HELZ: variants seen among roughly 807,000 people sequenced by gnomAD.
HELZ encodes ATP-dependent RNA helicase with zinc finger domain.
Under a neutral mutation model 218.2 loss-of-function variants are expected in HELZ, and 23 were observed. The observed-to-expected ratio is 0.11, with a 90% CI of 0.08 to 0.15. The LOEUF (loss-of-function observed/expected upper bound fraction) is 0.15. Ranked by LOEUF, HELZ falls within the 10% of genes least tolerant of loss-of-function variation. HELZ has a pLI of 1.00. For missense variants in HELZ, 1,813 were observed against 2,353.7 expected (o/e 0.77, Z 4.75); for synonymous variants, 814 against 829.4 (o/e 0.98, Z 0.32).
At chr17:67,170,109 A>T (rs2039264264) in intron 13 of HELZ, among the ~76,000 whole-genome samples, 1 of 152,166 alleles carries the variant, frequency 6.6e-6, no homozygotes. Flanking sequence ...AGAAGCTCTC[A>T]CAGATTGAAA....
At chr17:67,154,043 G>A (rs2038767446) in intron 17 of HELZ, among the ~76,000 whole-genome samples, 1 of 152,170 alleles carries the variant, frequency 6.6e-6, no homozygotes, top group South Asian at 2.1e-4. Context: ...TTGTATTAAT[G>A]TTTCTCAATT....
rs747330894 is a variant in HELZ, at chr17:67,109,360, T to TGGCTGCTGA, written c.4236_4244dup (p.Gln1413_Pro1415dup). ...GATATGCAGGAGAAAGCTGAGGAGG[T>TGGCTGCTGA]GGCTGCTGAGGCTGCTGATTCAACT... is the stretch of plus-strand genomic sequence containing the variant. On this transcript the variant is annotated inframe_insertion, in exon 29 of 33. Transcript: ENST00000358691. 1 of 1,614,046 alleles carries TGGCTGCTGA rather than the reference T, an allele frequency of 6.2e-7. No homozygotes were observed. The highest frequency in any genetic ancestry group is 8.5e-7 in the Non-Finnish European group (1 of 1,180,026).
At chr17:67,106,370 A>G (rs1453334602) in intron 31 of HELZ, among the ~76,000 whole-genome samples, 1 of 150,886 alleles carries the variant, frequency 6.6e-6, no homozygotes, top group African/African-American at 2.5e-5. Flanking sequence ...GTGCAGTGGC[A>G]TATCTTGGCT....
chr17:67,084,424 A>T (rs1395756576), intron 32 of HELZ, among the ~76,000 whole-genome samples: 3 of 152,216 alleles, frequency 2.0e-5, no homozygotes, highest in Admixed American at 1.3e-4. Context: ...GCACTTTGGG[A>T]GGCCGAGGCG....
Position 67,167,746 on chromosome 17 carries a change from C to T in HELZ, c.1481G>A (p.Gly494Asp). Residue 494 changes from glycine to aspartate, a missense_variant, in exon 14 of 33, where the codon GGT becomes GAT. By Grantham distance (94) the Gly-to-Asp change is moderately conservative (BLOSUM62 -1). Coordinates refer to ENST00000358691, the MANE Select transcript of HELZ (RefSeq NM_014877.4). ...AGCATACTTTGCACCTCCAGAAACA[C>T]CAGTGAGCATGAAGCTTGCCAGAAT... ...LQILASFMLT[G>D]VSGGAKYAQN... is the part of the protein sequence containing the mutation. The T allele has an allele frequency of 3.7e-6, 6 of 1,613,944 alleles. No homozygotes were observed. The highest frequency in any genetic ancestry group is 5.1e-6 in the Non-Finnish European group (6 of 1,179,892).
intron 28 of HELZ, among the ~76,000 whole-genome samples, chr17:67,110,842 T>C (rs1242804329): frequency 6.6e-6 from 1 of 152,200 alleles, no homozygotes; most frequent in East Asian, 1.9e-4. Context: ...CAGAAGAAGG[T>C]TGCTGACCCC....
intron 31 of HELZ, 21 bp downstream of exon 31, chr17:67,107,148 G>C (rs1397813901): frequency 1.3e-6 from 2 of 1,571,664 alleles, no homozygotes; most frequent in African/African-American, 2.7e-5. Flanking sequence ...AATAACAAAA[G>C]GAAAATAAGA....
chr17:67,107,288 T>C lies in HELZ; in HGVS notation c.5122A>G (p.Arg1708Gly). The C allele has an allele frequency of 6.2e-7, 1 of 1,614,204 alleles. No individual in the cohort carries two copies. The highest frequency in any genetic ancestry group is 8.5e-7 in the Non-Finnish European group (1 of 1,180,038). Residue 1708 changes from arginine (R) to glycine (G), a missense_variant, in exon 31 of 33, where the codon AGG becomes GGG. By Grantham distance (125) the Arg-to-Gly change is moderately radical. Coordinates refer to ENST00000358691, the MANE Select transcript of HELZ (RefSeq NM_014877.4). ...FPYGLPPLPH[R>G]PPQNPFVQIQ... ...TGTACAAAAGGGTTCTGCGGTGGCC[T>C]GTGAGGCAATGGAGGTAGGCCATAG... is the stretch of plus-strand genomic sequence containing the variant.
At chr17:67,199,500 A>G (rs576350214) in intron 7 of HELZ, among the ~76,000 whole-genome samples, 1 of 152,148 alleles carries the variant, frequency 6.6e-6, no homozygotes, top group Non-Finnish European at 1.5e-5. Context: ...GGCGTGAAGC[A>G]CCGCACCGGG....
chr17:67,093,738 C>G (rs1417685266), intron 31 of HELZ, among the ~76,000 whole-genome samples: 2 of 152,172 alleles, frequency 1.3e-5, no homozygotes, highest in African/African-American at 4.8e-5. Flanking sequence ...ACTGCTACCC[C>G]ACAGTCCAAG....
Position 67,151,010 on chromosome 17 carries a change from C to G in HELZ, c.2356+36G>C, listed in dbSNP as rs1299392666. 3 of 1,587,564 alleles carry G rather than the reference C, an allele frequency of 1.9e-6. No homozygotes were observed. The South Asian group carries it at 3.4e-5, about 18-fold the overall frequency. On this transcript the variant is annotated intron_variant, in intron 18 of 32. Transcript: ENST00000358691. ...CCCAGTCTAAACTGAATTCATAAGCCCTAAACTTGTGAGACTGTGTCTTGA... is the reference window on the plus strand; with the variant it reads ...CCCAGTCTAAACTGAATTCATAAGCGCTAAACTTGTGAGACTGTGTCTTGA...
At chr17:67,194,694 A>G (rs530753343) in intron 8 of HELZ, among the ~76,000 whole-genome samples, 16 of 152,312 alleles carry the variant, frequency 1.1e-4, no homozygotes, top group African/African-American at 3.8e-4. Flanking sequence ...TGAGAAAAAA[A>G]GGCTAGAACT....
At chr17:67,204,022 C>T (rs989518157) in intron 5 of HELZ, among the ~76,000 whole-genome samples, 1 of 152,178 alleles carries the variant, frequency 6.6e-6, no homozygotes, top group Non-Finnish European at 1.5e-5. Context: ...AGAATATACT[C>T]ATTTTTATGC....
At chr17:67,234,058 AAAG>A (rs1213357741) in intron 3 of HELZ, among the ~76,000 whole-genome samples, 2 of 150,902 alleles carry the variant, frequency 1.3e-5, no homozygotes, top group African/African-American at 4.9e-5. Flanking sequence ...AAAAAAAAAA[AAAG>A]AGAGAGAGAG....
chr17:67,174,476 G>T (rs1316805819), intron 13 of HELZ, among the ~76,000 whole-genome samples: 2 of 152,078 alleles, frequency 1.3e-5, no homozygotes, highest in Non-Finnish European at 2.9e-5. Context: ...CTAGTATGAA[G>T]CCCCTTGATA....
At chr17:67,090,585 G>A (rs1166864223) in intron 31 of HELZ, among the ~76,000 whole-genome samples, 3 of 152,068 alleles carry the variant, frequency 2.0e-5, no homozygotes, top group Non-Finnish European at 4.4e-5. Flanking sequence ...TTATAAGACT[G>A]TCCATATGCC....
At chr17:67,211,166 T>A in intron 5 of HELZ, among the ~76,000 whole-genome samples, 1 of 152,184 alleles carries the variant, frequency 6.6e-6, no homozygotes, top group East Asian at 1.9e-4. Flanking sequence ...ATGTTTACTC[T>A]TATTGAAGCA....
At chr17:67,207,075 G>A (rs1197038512) in intron 5 of HELZ, among the ~76,000 whole-genome samples, 2 of 150,376 alleles carry the variant, frequency 1.3e-5, no homozygotes, top group Non-Finnish European at 3.0e-5. Context: ...ACCACCCATG[G>A]TTAATTTTGT....
intron 21 of HELZ, among the ~76,000 whole-genome samples, chr17:67,142,802 G>A (rs1209192027): frequency 6.6e-6 from 1 of 151,932 alleles, no homozygotes; most frequent in East Asian, 1.9e-4. Context: ...TGTCACCCAG[G>A]CTACAGTGCG....
Sources: gnomAD v4.1 joint callset for allele counts (sites outside exome capture counted in the v4.1 genomes callset) on GRCh38, gnomAD v4.1.1 for gene constraint, MANE v1.5 for transcripts, NCBI Gene and HGNC (gene_info 2026-07-23, HGNC 2026-07-21) for gene names.